The following SMG6 variants were observed in gnomAD, a reference collection of about 807,000 sequenced individuals.
SMG6 encodes telomerase-binding protein EST1A.
In SMG6, 66 loss-of-function variants were observed where a neutral mutation model predicts 142.2. The observed-to-expected ratio is 0.46, with a 90% CI of 0.38 to 0.57. SMG6 has a LOEUF of 0.57. Ranked by LOEUF, SMG6 falls within the 20% of genes least tolerant of loss-of-function variation. SMG6 has a pLI of 0.00. For synonymous variants in SMG6, 779 were observed against 702.4 expected (o/e 1.11, Z -1.72); for missense variants, 1,793 against 1,832.0 (o/e 0.98, Z 0.39).
chr17:2,228,784 G>T (rs2073387899), intron 10 of SMG6, among the ~76,000 whole-genome samples: 1 of 152,228 alleles, frequency 6.6e-6, no homozygotes, highest in Admixed American at 6.5e-5. Flanking sequence ...TTACCTGTTG[G>T]TGAGGTAACT....
chr17:2,297,415 A>C, intron 3 of SMG6, 62 bp from the exon 4 acceptor site: 1 of 1,267,786 alleles, frequency 7.9e-7, no homozygotes, highest in Non-Finnish European at 1.1e-6. Context: ...ATCCACCAAA[A>C]ACCGGGGCAG....
chr17:2,086,363 C>G (rs551166341), intron 13 of SMG6, among the ~76,000 whole-genome samples: 9 of 152,296 alleles, frequency 5.9e-5, no homozygotes, highest in Admixed American at 5.9e-4. Context: ...ATTTTCAGCC[C>G]AAGTGCAAAT....
intron 8 of SMG6, 162 bp from the exon 9 acceptor site, chr17:2,244,881 C>T (rs2073894107): frequency 1.6e-6 from 1 of 615,354 alleles, no homozygotes; most frequent in Non-Finnish European, 2.9e-6. Context: ...ACCCAGGGCA[C>T]ATGCCCAACA....
intron 13 of SMG6, among the ~76,000 whole-genome samples, chr17:2,132,434 G>A (rs955175656): frequency 2.0e-5 from 3 of 152,182 alleles, no homozygotes; most frequent in East Asian, 1.9e-4. Context: ...TTCAAGTGCC[G>A]GTTCTCACTG....
chr17:2,243,155 T>C (rs2073851621), intron 9 of SMG6, among the ~76,000 whole-genome samples: 1 of 152,216 alleles, frequency 6.6e-6, no homozygotes, highest in Non-Finnish European at 1.5e-5. Context: ...GAGATTCATC[T>C]ACTGGTACCT....
chr17:2,186,846 G>A lies in SMG6; in HGVS notation c.2987-15C>T, dbSNP rs1196814545. On this transcript the variant is annotated splice_polypyrimidine_tract_variant and intron_variant, in intron 11 of 18. Coordinates refer to ENST00000263073, the MANE Select transcript of SMG6 (RefSeq NM_017575.5). ...GGACAGCTGAGCTGCAGAGGCAAAG[G>A]GTGAGAACTGGGCCTATGTCTGCTG... The A allele has an allele frequency of 9.3e-6, 15 of 1,612,980 alleles. No individual in the cohort carries two copies. Among genetic ancestry groups the A allele is most frequent in the African/African-American group, 1.3e-5 (1 of 74,922 alleles).
At chr17:2,149,117 G>A (rs2070751632) in intron 13 of SMG6, among the ~76,000 whole-genome samples, 1 of 151,760 alleles carries the variant, frequency 6.6e-6, no homozygotes, top group Admixed American at 6.6e-5. Flanking sequence ...TGGGAGGCCG[G>A]GGAGAGTGGA....
intron 8 of SMG6, among the ~76,000 whole-genome samples, chr17:2,277,165 A>ATTTAT (rs2074673744): frequency 1.6e-5 from 1 of 63,432 alleles, no homozygotes; most frequent in African/African-American, 4.4e-5. Context: ...TTATTTATTT[A>ATTTAT]TTTTTTATTT....
Position 2,117,494 on chromosome 17 carries a change from T to A in SMG6, c.3358-31593A>T, listed in dbSNP as rs567591648. ...ATCAATATACAAAAGTCAATTGTATTTTCATATTCTAGCAGCAAAAGACTG... is the reference window on the plus strand; with the variant it reads ...ATCAATATACAAAAGTCAATTGTATATTCATATTCTAGCAGCAAAAGACTG... On this transcript the variant is annotated intron_variant, in intron 13 of 18. Transcript: ENST00000263073. 5.9e-5 allele frequency: 9 copies of A among 152,300 alleles called. No individual in the cohort carries two copies. The East Asian group carries it at 1.7e-3, about 29-fold the overall frequency. 9.4% of individuals were successfully genotyped at this position (152,300 alleles called of 1,614,324 possible). A position where few individuals can be genotyped will look rare whatever the true frequency, so the allele number is the denominator to read the frequency against.
intron 11 of SMG6, 96 bp from the exon 12 acceptor site, chr17:2,186,927 A>G: frequency 7.5e-7 from 1 of 1,335,006 alleles, no homozygotes; most frequent in Non-Finnish European, 1.0e-6. Flanking sequence ...TAGGGAAGGG[A>G]GACCAAGTCC....
intron 10 of SMG6, among the ~76,000 whole-genome samples, chr17:2,229,155 T>TGC (rs1328093042): frequency 6.6e-6 from 1 of 152,180 alleles, no homozygotes; most frequent in Non-Finnish European, 1.5e-5. Flanking sequence ...AGTCATGGAC[T>TGC]GCGCTTTCCA....
intron 16 of SMG6, 179 bp from the exon 17 acceptor site, chr17:2,065,858 A>G: frequency 1.6e-6 from 1 of 607,464 alleles, no homozygotes; most frequent in Non-Finnish European, 2.9e-6. Context: ...GTGTCTCGAG[A>G]TTTCACAGGG....
At chr17:2,265,584 T>A (rs216179) in intron 8 of SMG6, among the ~76,000 whole-genome samples, 87,111 of 151,926 alleles carry the variant, frequency 0.57, 26,242 homozygotes, top group East Asian at 0.75. Flanking sequence ...AAGAACCTTA[T>A]CATTAACTGC....
At chr17:2,235,303 G>A (rs1223591225) in intron 10 of SMG6, among the ~76,000 whole-genome samples, 1 of 152,182 alleles carries the variant, frequency 6.6e-6, no homozygotes, top group African/African-American at 2.4e-5. Flanking sequence ...GGCAGCATGA[G>A]AGGAGGAAAT....
intron 13 of SMG6, among the ~76,000 whole-genome samples, chr17:2,086,441 C>T (rs2068563190): frequency 3.9e-5 from 6 of 152,206 alleles, no homozygotes; most frequent in Admixed American, 3.9e-4. Context: ...CTGACAGGTT[C>T]CTGCCCTATC....
intron 13 of SMG6, among the ~76,000 whole-genome samples, chr17:2,099,134 G>A (rs1015383044): frequency 2.6e-5 from 4 of 152,082 alleles, no homozygotes; most frequent in Non-Finnish European, 4.4e-5. Flanking sequence ...GTGATCGTGG[G>A]GGTCAGATGG....
In SMG6 at chr17:2,282,935, C is replaced by T. The variant is rs925008847; in HGVS notation, c.2449-76G>A. 20 of 1,402,564 alleles carry T rather than the reference C, an allele frequency of 1.4e-5. No individual in the cohort carries two copies. In the African/African-American group the frequency reaches 2.0e-4, roughly 14 times the overall value. The allele number at this position is 1,402,564 out of a possible 1,614,324, so 86.9% of individuals were successfully genotyped here. A position where few individuals can be genotyped will look rare whatever the true frequency, so the allele number is the denominator to read the frequency against. On this transcript the variant is annotated intron_variant, in intron 7 of 18. Coordinates refer to ENST00000263073, the MANE Select transcript of SMG6 (RefSeq NM_017575.5). ...CCTGTAATCCCAGCACTTAGAGATG[C>T]GGAGGCAGGCGGATCACTTGAGGTC...
intron 9 of SMG6, chr17:2,236,914 AT>A (rs755132495): frequency 8.7e-5 from 84 of 968,402 alleles, no homozygotes; most frequent in Non-Finnish European, 1.0e-4. Context: ...TTGGTATGCT[AT>A]TTCCTCACCC....
At chr17:2,274,565 T>G (rs1263637644) in intron 8 of SMG6, among the ~76,000 whole-genome samples, 1 of 152,204 alleles carries the variant, frequency 6.6e-6, no homozygotes, top group African/African-American at 2.4e-5. Context: ...AGACACGTAT[T>G]ACATTCTATT....
Sources: gnomAD v4.1 joint callset for allele counts (sites outside exome capture counted in the v4.1 genomes callset) on GRCh38, gnomAD v4.1.1 for gene constraint, MANE v1.5 for transcripts, NCBI Gene and HGNC (gene_info 2026-07-23, HGNC 2026-07-21) for gene names.